TBC1D22A: variants seen among roughly 807,000 people sequenced by gnomAD.
The protein encoded by TBC1D22A is TBC1 domain family member 22A.
A neutral mutation model predicts 60.2 loss-of-function variants in TBC1D22A; 38 were observed. The observed-to-expected ratio is 0.63, with a 90% CI of 0.49 to 0.83. The LOEUF (loss-of-function observed/expected upper bound fraction) is 0.83, where lower values mean the gene tolerates loss of function less well. Among genes scored for constraint, TBC1D22A ranks in the 40% least tolerant of loss-of-function variants. The probability of loss-of-function intolerance (pLI) is 0.00; values close to 1 mark genes in which losing one functional copy is unlikely to be tolerated. For synonymous variants in TBC1D22A, 302 were observed against 281.7 expected, an observed-to-expected ratio of 1.07 and a Z score of -0.72; for missense variants, 628 against 701.0, an observed-to-expected ratio of 0.90 and a Z score of 1.18.
At chr22:46,877,283 G>A (rs888774253) in intron 4 of TBC1D22A, among the ~76,000 whole-genome samples, 1 of 152,186 alleles carries the variant, frequency 6.6e-6, no homozygotes, top group African/African-American at 2.4e-5. Context: ...ACCAAAGCTT[G>A]AGCAGAGTTT....
intron 11 of TBC1D22A, among the ~76,000 whole-genome samples, chr22:47,072,566 G>A (rs780024388): frequency 1.3e-5 from 2 of 152,196 alleles, no homozygotes; most frequent in Non-Finnish European, 2.9e-5. Flanking sequence ...ACCCCTGTTA[G>A]CACCCCTGCC....
At chr22:46,880,606 T>C (rs2067802614) in intron 5 of TBC1D22A, among the ~76,000 whole-genome samples, 2 of 152,078 alleles carry the variant, frequency 1.3e-5, no homozygotes, top group Admixed American at 6.5e-5. Context: ...TGCAGACTTG[T>C]GGTGGGACAG....
At chr22:46,836,375 G>C (rs1178171380) in intron 4 of TBC1D22A, among the ~76,000 whole-genome samples, 3 of 152,184 alleles carry the variant, frequency 2.0e-5, no homozygotes, top group African/African-American at 4.8e-5. Flanking sequence ...TTTTGTGTGC[G>C]ATTGATGTTA....
At chr22:46,949,327 G>A (rs985907638) in intron 8 of TBC1D22A, among the ~76,000 whole-genome samples, 6 of 152,216 alleles carry the variant, frequency 3.9e-5, no homozygotes, top group Admixed American at 2.6e-4. Flanking sequence ...GATCATCTGA[G>A]TCATCCTCCC....
chr22:46,854,396 T>G (rs1006858591), intron 4 of TBC1D22A, among the ~76,000 whole-genome samples: 1 of 152,126 alleles, frequency 6.6e-6, no homozygotes. Context: ...CGTTCCCTGC[T>G]CCTCCTCCAC....
chr22:46,966,356 C>A (rs1345518271), intron 8 of TBC1D22A, among the ~76,000 whole-genome samples: 2 of 152,172 alleles, frequency 1.3e-5, no homozygotes, highest in Admixed American at 1.3e-4. Context: ...TCGAAAGCAT[C>A]GGGAGAGCCC....
chr22:47,134,099 G>A (rs768350233), intron 12 of TBC1D22A, among the ~76,000 whole-genome samples: 4 of 152,168 alleles, frequency 2.6e-5, no homozygotes, highest in Non-Finnish European at 4.4e-5. Context: ...CTTTGCTGGC[G>A]TCTCTTCCCT....
rs1435071377 is a variant in TBC1D22A at position 46,792,799 on chromosome 22, G to A, written c.119+223G>A. 5.5e-6 allele frequency: 8 copies of A among 1,452,784 alleles called. No individual in the cohort carries two copies. In the Admixed American group the frequency reaches 1.0e-4, roughly 19 times the overall value. The allele number at this position is 1,452,784 out of a possible 1,614,324, so 90.0% of individuals were successfully genotyped here. On this transcript the variant is annotated intron_variant, in intron 2 of 12. Coordinates refer to ENST00000337137, the MANE Select transcript of TBC1D22A (RefSeq NM_014346.5). ...GGATGTGGGAGCCACAGCCTGATGT[G>A]GGGAGGTGGGGGAGCCCTGGGGAGA...
chr22:46,765,666 C>T (rs2083256489), intron 1 of TBC1D22A, among the ~76,000 whole-genome samples: 1 of 152,008 alleles, frequency 6.6e-6, no homozygotes, highest in African/African-American at 2.4e-5. Flanking sequence ...GGGGTTTCGC[C>T]ATGTCGGCCA....
intron 11 of TBC1D22A, among the ~76,000 whole-genome samples, chr22:47,071,439 C>G (rs2063983862): frequency 1.3e-5 from 2 of 152,256 alleles, no homozygotes. Flanking sequence ...TCTCCCCACT[C>G]TGCCCTCCCA....
At chr22:46,833,940 C>T (rs1011018476) in intron 4 of TBC1D22A, among the ~76,000 whole-genome samples, 2 of 152,344 alleles carry the variant, frequency 1.3e-5, no homozygotes, top group Admixed American at 6.5e-5. Flanking sequence ...CCCATTTGGT[C>T]TCTCTGCCAG....
intron 9 of TBC1D22A, among the ~76,000 whole-genome samples, chr22:46,992,227 G>A (rs767153114): frequency 1.3e-5 from 2 of 152,230 alleles, no homozygotes; most frequent in South Asian, 2.1e-4. Flanking sequence ...CAGAGGAAGC[G>A]GTATAAGCTT....
At chr22:47,036,728 G>C (rs1268043715) in intron 10 of TBC1D22A, among the ~76,000 whole-genome samples, 2 of 152,214 alleles carry the variant, frequency 1.3e-5, no homozygotes, top group Non-Finnish European at 2.9e-5. Flanking sequence ...TGGAGCTTCT[G>C]TGGAGCGGGG....
chr22:46,882,160 G>A (rs1035169131), intron 5 of TBC1D22A, among the ~76,000 whole-genome samples: 4 of 152,096 alleles, frequency 2.6e-5, no homozygotes, highest in Non-Finnish European at 5.9e-5. Flanking sequence ...CCTGGTGTCC[G>A]GGCCCACGAA....
At chr22:47,032,083 T>C (rs529877498) in intron 10 of TBC1D22A, among the ~76,000 whole-genome samples, 1 of 152,326 alleles carries the variant, frequency 6.6e-6, no homozygotes, top group East Asian at 1.9e-4. Context: ...TTTTCCCAGG[T>C]GGGGACATGC....
chr22:46,779,560 G>A (rs960250238), intron 1 of TBC1D22A, among the ~76,000 whole-genome samples: 28 of 152,146 alleles, frequency 1.8e-4, no homozygotes, highest in African/African-American at 6.0e-4. Context: ...CGCCTGGCCA[G>A]GACAATTTCA....
chr22:46,959,704 C>T (rs919095650), intron 8 of TBC1D22A, among the ~76,000 whole-genome samples: 16 of 152,138 alleles, frequency 1.1e-4, no homozygotes, highest in Admixed American at 2.6e-4. Context: ...TCAGAGCCGG[C>T]CAAGCCCAGC....
intron 8 of TBC1D22A, among the ~76,000 whole-genome samples, chr22:46,931,056 TC>T (rs1173590040): frequency 1.3e-5 from 2 of 152,206 alleles, no homozygotes; most frequent in Non-Finnish European, 2.9e-5. Context: ...TTCTAGTCCC[TC>T]CTGTTCTACC....
intron 11 of TBC1D22A, among the ~76,000 whole-genome samples, chr22:47,089,811 G>C (rs1189454432): frequency 1.3e-5 from 2 of 152,114 alleles, no homozygotes; most frequent in Admixed American, 1.3e-4. Context: ...GATTCTTTTT[G>C]TTCAAATTGG....
Sources: gnomAD v4.1 joint callset for allele counts (sites outside exome capture counted in the v4.1 genomes callset) on GRCh38, gnomAD v4.1.1 for gene constraint, MANE v1.5 for transcripts, NCBI Gene and HGNC (gene_info 2026-07-23, HGNC 2026-07-21) for gene names.